SLCO5A1: variants seen among roughly 807,000 people sequenced by gnomAD.
SLCO5A1 encodes the protein solute carrier organic anion transporter family member 5A1.
SLCO5A1 carries 39 observed loss-of-function variants against 65.1 expected under a neutral mutation model. The observed-to-expected ratio is 0.60, with a 90% CI of 0.46 to 0.78. SLCO5A1 has a LOEUF of 0.78. Among genes scored for constraint, SLCO5A1 ranks in the 30% least tolerant of loss-of-function variants. The pLI is 0.00. For synonymous variants in SLCO5A1, 438 were observed against 415.7 expected (o/e 1.05, Z -0.65); for missense variants, 1,029 against 1,069.4 (o/e 0.96, Z 0.53).
intron 5 of SLCO5A1, among the ~76,000 whole-genome samples, chr8:69,736,844 A>G (rs924486576): frequency 1.3e-5 from 2 of 152,230 alleles, no homozygotes; most frequent in Admixed American, 6.5e-5. Flanking sequence ...GTGGCTTTGA[A>G]TCTAACTTCA....
chr8:69,695,303 T>C (rs1409911376), intron 6 of SLCO5A1, among the ~76,000 whole-genome samples: 1 of 152,158 alleles, frequency 6.6e-6, no homozygotes, highest in Non-Finnish European at 1.5e-5. Context: ...AAGACCAGCC[T>C]GGCCAACATG....
At chr8:69,711,014 C>A (rs949463569) in intron 5 of SLCO5A1, among the ~76,000 whole-genome samples, 1 of 39,692 alleles carries the variant, frequency 2.5e-5, no homozygotes, top group Admixed American at 1.9e-4. Flanking sequence ...TTCATACTGT[C>A]CCCCCCACTC....
chr8:69,672,945 G>A lies in SLCO5A1; in HGVS notation c.2471C>T (p.Pro824Leu). 4 of 1,614,218 alleles carry A rather than the reference G, an allele frequency of 2.5e-6. No individual in the cohort carries two copies. Among genetic ancestry groups the A allele is most frequent in the Non-Finnish European group, 3.4e-6 (4 of 1,180,042 alleles). The part of the protein sequence containing the change: ...IQCAAQTYPG[P>L]FPEAISSSAD... ...AGAGGAACTTATTGCTTCTGGGAAGGGCCCCGGGTAGGTCTGTGCTGCGCA... is the reference window on the plus strand; with the variant it reads ...AGAGGAACTTATTGCTTCTGGGAAGAGCCCCGGGTAGGTCTGTGCTGCGCA... Residue 824 changes from proline (P) to leucine (L), a missense_variant, in exon 10 of 10, where the codon CCC becomes CTC. Pro to Leu is a moderately conservative substitution (Grantham distance 98). Transcript: ENST00000260126.
intron 4 of SLCO5A1, among the ~76,000 whole-genome samples, chr8:69,748,411 T>A (rs1203223069): frequency 2.0e-5 from 3 of 152,212 alleles, no homozygotes; most frequent in Non-Finnish European, 4.4e-5. Context: ...CCTGGACTGT[T>A]ACCATTTACC....
At chr8:69,834,144 C>T (rs1169811998) in intron 1 of SLCO5A1, 1 of 154,788 alleles carries the variant, frequency 6.5e-6, no homozygotes, top group Non-Finnish European at 1.4e-5. Flanking sequence ...GTACTGGAAC[C>T]TCTCTCGCGA....
rs1477644293 is a variant in SLCO5A1 at position 69,777,791 on chromosome 8, T to C, written c.908-15916A>G. 2.0e-5 allele frequency among the ~76,000 whole-genome samples: 3 copies of C among 152,288 alleles called. No individual in the cohort carries two copies. In the East Asian group the frequency reaches 5.8e-4, roughly 29 times the overall value. On this transcript the variant is annotated intron_variant, in intron 2 of 9. Transcript: ENST00000260126. Reference sequence around the variant, plus strand: ...TCATCAACATCATCTGCTCCTGACATCCAGCCGTCGAGGTCGTCGTGACTG... The same window carrying C: ...TCATCAACATCATCTGCTCCTGACACCCAGCCGTCGAGGTCGTCGTGACTG...
At chr8:69,681,364 C>T (rs1813753641) in intron 7 of SLCO5A1, among the ~76,000 whole-genome samples, 1 of 152,276 alleles carries the variant, frequency 6.6e-6, no homozygotes, top group Non-Finnish European at 1.5e-5. Flanking sequence ...AAGGCCAAGG[C>T]AGGCAGATCA....
At chr8:69,708,843 G>T (rs1231200763) in intron 5 of SLCO5A1, among the ~76,000 whole-genome samples, 1 of 152,080 alleles carries the variant, frequency 6.6e-6, no homozygotes, top group Non-Finnish European at 1.5e-5. Flanking sequence ...AAAGGCAGAG[G>T]TTGCAGTGAG....
chr8:69,726,514 T>TTTGG (rs146065041), intron 5 of SLCO5A1, among the ~76,000 whole-genome samples: 51 of 137,390 alleles, frequency 3.7e-4, no homozygotes, highest in African/African-American at 1.3e-3. Flanking sequence ...TTTTTTTTTT[T>TTTGG]GGGGGGACAG....
chr8:69,776,874 A>C (rs1232892602), intron 2 of SLCO5A1, among the ~76,000 whole-genome samples: 1 of 152,248 alleles, frequency 6.6e-6, no homozygotes, highest in African/African-American at 2.4e-5. Context: ...CTAAACAGCT[A>C]TTTGAATGGT....
Position 69,705,052 on chromosome 8 carries a change from A to T in SLCO5A1, c.1601T>A (p.Ile534Lys), listed in dbSNP as rs1368302052. 1 of 1,612,892 alleles carries T rather than the reference A, an allele frequency of 6.2e-7. No homozygotes were observed. The highest frequency in any genetic ancestry group is 1.3e-5 in the African/African-American group (1 of 74,930). The part of the protein sequence containing the change: ...VGCESINLGG[I>K]NIPYTTGPSL... ...TTACCCTGTTGTATAAGGGATGTTT[A>T]TGCCCCCTAGATTAATGCTTTCACA... The change falls in exon 6 of 10, where the codon ATA (isoleucine) becomes AAA (lysine). Residue 534 changes from isoleucine to lysine, a missense_variant. Physicochemically the swap from Ile to Lys is moderately radical, Grantham distance 102. Coordinates refer to ENST00000260126, the MANE Select transcript of SLCO5A1 (RefSeq NM_030958.3).
At chr8:69,718,755 T>C (rs1455294928) in intron 5 of SLCO5A1, among the ~76,000 whole-genome samples, 1 of 152,176 alleles carries the variant, frequency 6.6e-6, no homozygotes, top group African/African-American at 2.4e-5. Flanking sequence ...TGGAGACATG[T>C]AGGGAATAAA....
At chr8:69,726,991 A>G (rs1425686237) in intron 5 of SLCO5A1, among the ~76,000 whole-genome samples, 1 of 152,162 alleles carries the variant, frequency 6.6e-6, no homozygotes, top group African/African-American at 2.4e-5. Context: ...GCTACTTTCC[A>G]GGCACTGTGT....
intron 5 of SLCO5A1, among the ~76,000 whole-genome samples, chr8:69,726,748 G>A (rs749907614): frequency 2.3e-4 from 35 of 151,994 alleles, no homozygotes; most frequent in African/African-American, 3.1e-4. Flanking sequence ...TGATCTGCCC[G>A]CCTTGGCCTC....
At chr8:69,734,677 T>A (rs187494369) in intron 5 of SLCO5A1, among the ~76,000 whole-genome samples, 59 of 152,322 alleles carry the variant, frequency 3.9e-4, no homozygotes, top group African/African-American at 1.2e-3. Flanking sequence ...TGGTGCTTCC[T>A]CTCTATCCAT....
intron 6 of SLCO5A1, among the ~76,000 whole-genome samples, chr8:69,688,997 CTGT>C (rs888819795): frequency 4.7e-5 from 7 of 149,514 alleles, no homozygotes; most frequent in Non-Finnish European, 9.0e-5. Flanking sequence ...TCTCCAGCAC[CTGT>C]TGTTTCCTGA....
chr8:69,805,330 G>C (rs1425492172), intron 2 of SLCO5A1, among the ~76,000 whole-genome samples: 1 of 152,114 alleles, frequency 6.6e-6, no homozygotes, highest in East Asian at 1.9e-4. Context: ...TGAATCCCCT[G>C]AAATCCCCCA....
rs1813290928 is a variant in SLCO5A1, at chr8:69,670,225, A to G, written c.*2644T>C. The G allele has an allele frequency of 6.6e-6, 1 of 152,262 alleles. No individual in the cohort carries two copies. Among genetic ancestry groups the G allele is most frequent in the Admixed American group, 6.5e-5 (1 of 15,288 alleles). The allele number at this position is 152,262 out of a possible 1,614,324, so 9.4% of individuals were successfully genotyped here. A position where few individuals can be genotyped will look rare whatever the true frequency, so the allele number is the denominator to read the frequency against. On this transcript the variant is annotated 3_prime_UTR_variant, in exon 10 of 10. Transcript: ENST00000260126. ...AACAAGTAATTTGAAGCCTAAGCTCATGGAGAGTCTTCATTAAAACTTCTA... is the reference window on the plus strand; with the variant it reads ...AACAAGTAATTTGAAGCCTAAGCTCGTGGAGAGTCTTCATTAAAACTTCTA...
intron 2 of SLCO5A1, among the ~76,000 whole-genome samples, chr8:69,781,660 T>G (rs1035562635): frequency 1.3e-5 from 2 of 152,126 alleles, no homozygotes; most frequent in Non-Finnish European, 1.5e-5. Flanking sequence ...TTGTTTTTTG[T>G]TTTTTGTTTT....
Sources: allele counts gnomAD v4.1 joint callset (sites outside exome capture counted in the v4.1 genomes callset), GRCh38; gene constraint gnomAD v4.1.1; transcripts MANE v1.5; gene names NCBI Gene and HGNC (gene_info 2026-07-23, HGNC 2026-07-21).